The following ACACA variants were observed in gnomAD, a reference collection of about 807,000 sequenced individuals.
The protein encoded by ACACA is acetyl-CoA carboxylase alpha.
In ACACA, 103 loss-of-function variants were observed where a neutral mutation model predicts 296.1. The ratio of observed to expected loss-of-function variants is 0.35; its 90% CI spans 0.30 to 0.41. The LOEUF (loss-of-function observed/expected upper bound fraction) is 0.41. ACACA is among the 10% of genes least tolerant of loss of function. ACACA has a pLI of 1.00. For missense variants in ACACA, 1,554 were observed against 2,989.7 expected (o/e 0.52, Z 11.20); for synonymous variants, 953 against 1,038.6 (o/e 0.92, Z 1.58).
chr17:37,147,630 T>C (rs550939740), intron 45 of ACACA, among the ~76,000 whole-genome samples: 1 of 152,230 alleles, frequency 6.6e-6, no homozygotes, highest in African/African-American at 2.4e-5. Context: ...AGCACAGCTC[T>C]ATACTTAAGA....
Position 37,243,462 on chromosome 17 carries a change from A to G in ACACA, c.2840T>C (p.Ile947Thr), listed in dbSNP as rs1209250188. The change falls in exon 22 of 56, where the codon ATT becomes ACT. Residue 947 changes from isoleucine to threonine, a missense_variant. By Grantham distance (89) the Ile-to-Thr change is moderately conservative. This residue lies in a region of ACACA where 316 missense variants were observed against 540.9 expected (regional missense o/e 0.58). Coordinates refer to ENST00000616317, the MANE Select transcript of ACACA (RefSeq NM_198834.3). ...QDIMTSVSGRIPPNVEKSIKK... is the reference protein window; with the variant it reads ...QDIMTSVSGRTPPNVEKSIKK... ...GATAGACTTCTCCACATTGGGGGGA[A>G]TGCGGCCAGACACACTGGTCATAAT... 6.2e-7 allele frequency: 1 copy of G among 1,614,174 alleles called. No individual in the cohort carries two copies. The highest frequency in any genetic ancestry group is 2.2e-5 in the East Asian group (1 of 44,876).
intron 3 of ACACA, among the ~76,000 whole-genome samples, chr17:37,329,221 A>C (rs1235225351): frequency 2.0e-5 from 3 of 152,204 alleles, no homozygotes; most frequent in African/African-American, 4.8e-5. Context: ...CTTACTACGA[A>C]GTTGACAACA....
At chr17:37,184,844 G>A (rs1318486452) in intron 39 of ACACA, among the ~76,000 whole-genome samples, 2 of 108,414 alleles carry the variant, frequency 1.8e-5, no homozygotes, top group East Asian at 7.3e-4. Flanking sequence ...GTGAGACCCT[G>A]TCTCAAAAAA....
chr17:37,089,545 G>GCAGT (rs1382636582), intron 54 of ACACA, among the ~76,000 whole-genome samples: 1 of 152,212 alleles, frequency 6.6e-6, no homozygotes, highest in Admixed American at 6.5e-5. Flanking sequence ...GTGAGGCCTG[G>GCAGT]CAGTCACTGG....
Position 37,161,435 on chromosome 17 carries a change from TTTTG to T in ACACA, c.5349+342_5349+345del, listed in dbSNP as rs778343030. On this transcript the variant is annotated intron_variant, in intron 42 of 55. Coordinates refer to ENST00000616317, the MANE Select transcript of ACACA (RefSeq NM_198834.3). ...GAGCAGAAGATGAGGAGGTAAGGGATTTTGTTGATAATTGACCGTAAGTCCTGGA... is the reference window on the plus strand; with the variant it reads ...GAGCAGAAGATGAGGAGGTAAGGGATTTGATAATTGACCGTAAGTCCTGGA... 3.9e-5 allele frequency among the ~76,000 whole-genome samples: 6 copies of T among 152,270 alleles called. No homozygotes were observed. In the East Asian group the frequency reaches 1.2e-3, roughly 29 times the overall value.
intron 25 of ACACA, among the ~76,000 whole-genome samples, chr17:37,228,516 G>A (rs2079664237): frequency 6.6e-6 from 1 of 152,114 alleles, no homozygotes. Context: ...ATGCAAGTAA[G>A]TCTCACCTTT....
intron 1 of ACACA, among the ~76,000 whole-genome samples, chr17:37,344,938 A>T (rs2048548498): frequency 6.6e-6 from 1 of 152,208 alleles, no homozygotes; most frequent in South Asian, 2.1e-4. Flanking sequence ...AGAGAGGGTT[A>T]AACAGAGGGT....
In ACACA at chr17:37,086,605, C is replaced by T. The variant is rs530288541; in HGVS notation, c.*711G>A. On this transcript the variant is annotated 3_prime_UTR_variant, in exon 56 of 56. Transcript: ENST00000616317. Reference sequence around the variant, plus strand: ...GAGGCAGGCCAACAACTACCTTTCCCTTTGTCCTCAGAGACTGAACCCAAG... The same window carrying T: ...GAGGCAGGCCAACAACTACCTTTCCTTTTGTCCTCAGAGACTGAACCCAAG... 2.6e-5 allele frequency: 4 copies of T among 153,064 alleles called. No individual in the cohort carries two copies. In the South Asian group the frequency reaches 6.2e-4, roughly 24 times the overall value. 9.5% of individuals were successfully genotyped at this position (153,064 alleles called of 1,614,324 possible).
chr17:37,226,827 C>T (rs1236024445), intron 25 of ACACA, among the ~76,000 whole-genome samples: 1 of 152,188 alleles, frequency 6.6e-6, no homozygotes, highest in Non-Finnish European at 1.5e-5. Context: ...TAAAGGCCTT[C>T]CTGTTTCCCC....
At chr17:37,250,622 G>A (rs1326627742) in intron 16 of ACACA, among the ~76,000 whole-genome samples, 2 of 148,562 alleles carry the variant, frequency 1.3e-5, no homozygotes, top group Admixed American at 6.7e-5. Context: ...TGGTGACAGA[G>A]CAAGGCTCCA....
chr17:37,151,538 C>T (rs2076038702), intron 43 of ACACA, 117 bp from the exon 44 acceptor site: 3 of 1,275,638 alleles, frequency 2.4e-6, no homozygotes, highest in Non-Finnish European at 3.3e-6. Context: ...TATTTAATGC[C>T]AGGGCTTTAT....
intron 45 of ACACA, chr17:37,143,473 A>G: frequency 3.6e-6 from 1 of 275,566 alleles, no homozygotes; most frequent in Non-Finnish European, 7.0e-6. Context: ...GTACCAGGCA[A>G]GGTTAGTGGC....
At chr17:37,312,696 T>C (rs140847166) in intron 3 of ACACA, among the ~76,000 whole-genome samples, 57 of 152,204 alleles carry the variant, frequency 3.7e-4, no homozygotes, top group African/African-American at 1.1e-3. Context: ...CTAGAGATAA[T>C]GAACACCTAC....
intron 1 of ACACA, chr17:37,359,208 G>A (rs2147584991): frequency 1.1e-6 from 1 of 904,824 alleles, no homozygotes; most frequent in East Asian, 1.2e-4. Flanking sequence ...GCTCCATGAG[G>A]TGACTACGTC....
At chr17:37,248,224 T>G in intron 17 of ACACA, 68 bp from the exon 18 acceptor site, 1 of 1,579,292 alleles carries the variant, frequency 6.3e-7, no homozygotes, top group Non-Finnish European at 8.7e-7. Flanking sequence ...ATTTGAATGC[T>G]TCAAAAATAC....
intron 29 of ACACA, among the ~76,000 whole-genome samples, chr17:37,217,955 TTC>T (rs1056621917): frequency 5.9e-5 from 9 of 151,842 alleles, no homozygotes; most frequent in Admixed American, 1.3e-4. Context: ...AAATATAAAA[TTC>T]TGTTTTATAT....
intron 41 of ACACA, among the ~76,000 whole-genome samples, chr17:37,167,966 T>C (rs2076747713): frequency 6.6e-6 from 1 of 152,184 alleles, no homozygotes; most frequent in Non-Finnish European, 1.5e-5. Flanking sequence ...ATGAATAGCA[T>C]TTAAAAATAC....
intron 3 of ACACA, among the ~76,000 whole-genome samples, chr17:37,308,809 C>T (rs181412998): frequency 5.9e-5 from 9 of 152,062 alleles, no homozygotes; most frequent in Admixed American, 2.6e-4. Context: ...TAGTGGTGCA[C>T]GCCTGTAATC....
intron 47 of ACACA, among the ~76,000 whole-genome samples, chr17:37,127,170 C>T (rs2074829934): frequency 1.3e-5 from 2 of 152,194 alleles, no homozygotes; most frequent in African/African-American, 2.4e-5. Context: ...CACCTACACA[C>T]ACATACTTCT....
Sources: gnomAD v4.1 joint callset for allele counts (sites outside exome capture counted in the v4.1 genomes callset) on GRCh38, gnomAD v4.1.1 for gene constraint, gnomAD v4.1.1 regional missense constraint, MANE v1.5 for transcripts, NCBI Gene and HGNC (gene_info 2026-07-23, HGNC 2026-07-21) for gene names.